The following FRMD5 variants were observed in gnomAD, a reference collection of about 807,000 sequenced individuals.
FRMD5 encodes the protein FERM domain-containing protein 5.
Under a neutral mutation model 69.0 loss-of-function variants are expected in FRMD5, and 20 were observed. That is an observed-to-expected ratio of 0.29 (90% CI 0.20 to 0.42). FRMD5 has a LOEUF of 0.42. Among genes scored for constraint, FRMD5 ranks in the 10% least tolerant of loss-of-function variants. The pLI is 1.00. For missense variants in FRMD5, 595 were observed against 708.6 expected, an observed-to-expected ratio of 0.84 and a Z score of 1.82; for synonymous variants, 271 against 260.1, an observed-to-expected ratio of 1.04 and a Z score of -0.40.
At chr15:43,989,738 G>T in intron 1 of FRMD5, 1 of 1,017,328 alleles carries the variant, frequency 9.8e-7, no homozygotes, top group Non-Finnish European at 1.5e-6. Flanking sequence ...CACGATGTCA[G>T]TGGTAGGCCA....
At chr15:44,073,463 T>C (rs937149138) in intron 1 of FRMD5, among the ~76,000 whole-genome samples, 1 of 152,238 alleles carries the variant, frequency 6.6e-6, no homozygotes, top group African/African-American at 2.4e-5. Flanking sequence ...TAAGGACTTG[T>C]AATTAATTTT....
intron 1 of FRMD5, among the ~76,000 whole-genome samples, chr15:44,108,374 G>C (rs2076749144): frequency 6.6e-6 from 1 of 152,188 alleles, no homozygotes; most frequent in Non-Finnish European, 1.5e-5. Context: ...GCCAGGCGCG[G>C]TGGCTCATGC....
intron 1 of FRMD5, among the ~76,000 whole-genome samples, chr15:43,991,997 A>G (rs1889706930): frequency 6.6e-6 from 1 of 152,188 alleles, no homozygotes; most frequent in Non-Finnish European, 1.5e-5. Flanking sequence ...AGAAACAGAA[A>G]CTCTTTAAAC....
At chr15:44,027,650 TG>T (rs1329025411) in intron 1 of FRMD5, among the ~76,000 whole-genome samples, 1,255 of 32,248 alleles carry the variant, frequency 0.039, 38 homozygotes, top group Non-Finnish European at 0.1. Flanking sequence ...TTTTTTTTTT[TG>T]TTTTTTTTTT....
At chr15:44,000,981 A>G (rs1373994117) in intron 1 of FRMD5, among the ~76,000 whole-genome samples, 1 of 152,114 alleles carries the variant, frequency 6.6e-6, no homozygotes, top group Non-Finnish European at 1.5e-5. Flanking sequence ...GCCCAGCCTC[A>G]AAATGGCTAT....
chr15:43,960,135 C>A (rs1181212076), intron 1 of FRMD5, among the ~76,000 whole-genome samples: 2 of 151,956 alleles, frequency 1.3e-5, no homozygotes, highest in African/African-American at 4.8e-5. Flanking sequence ...GTCGCCCAGG[C>A]TGGAGTGCAG....
At chr15:44,038,737 G>A (rs577785912) in intron 1 of FRMD5, among the ~76,000 whole-genome samples, 4 of 151,862 alleles carry the variant, frequency 2.6e-5, no homozygotes, top group South Asian at 2.1e-4. Context: ...TGCCTCACCC[G>A]GGAAGCACGA....
chr15:44,089,266 C>A (rs372493287), intron 1 of FRMD5, among the ~76,000 whole-genome samples: 1 of 152,080 alleles, frequency 6.6e-6, no homozygotes, highest in East Asian at 1.9e-4. Context: ...TTTGTGAGTC[C>A]ATTTTTATAT....
intron 1 of FRMD5, among the ~76,000 whole-genome samples, chr15:43,978,830 A>G (rs1343538286): frequency 6.6e-6 from 1 of 152,146 alleles, no homozygotes; most frequent in Non-Finnish European, 1.5e-5. Context: ...GGGATGACAG[A>G]CATGAACCAC....
chr15:43,952,026 G>GTGTGTGTGTGTGTGTT (rs2090044029), intron 1 of FRMD5, among the ~76,000 whole-genome samples: 2 of 149,494 alleles, frequency 1.3e-5, no homozygotes, highest in African/African-American at 5.0e-5. Flanking sequence ...GTGTGTGTGT[G>GTGTGTGTGTGTGTGTT]TGTGTGTGTG....
chr15:44,089,146 T>G (rs919577851), intron 1 of FRMD5, among the ~76,000 whole-genome samples: 2 of 152,222 alleles, frequency 1.3e-5, no homozygotes, highest in African/African-American at 4.8e-5. Flanking sequence ...GACAGAAAGA[T>G]GGTGACTCTG....
chr15:44,180,393 T>C (rs2077976880), intron 1 of FRMD5, among the ~76,000 whole-genome samples: 1 of 152,178 alleles, frequency 6.6e-6, no homozygotes, highest in Non-Finnish European at 1.5e-5. Context: ...TGGCACCGTG[T>C]CATAATATTC....
At chr15:43,923,801 G>C (rs2089537632) in intron 2 of FRMD5, among the ~76,000 whole-genome samples, 1 of 152,220 alleles carries the variant, frequency 6.6e-6, no homozygotes, top group Admixed American at 6.5e-5. Flanking sequence ...GGCTCTGTCT[G>C]TACTGCCTAG....
At chr15:43,985,178 G>A (rs1316103834) in intron 1 of FRMD5, among the ~76,000 whole-genome samples, 4 of 151,496 alleles carry the variant, frequency 2.6e-5, no homozygotes, top group African/African-American at 9.7e-5. Context: ...CTACTTGGGA[G>A]GCTGAGGCAG....
At chr15:43,976,224 AT>A (rs561982511) in intron 1 of FRMD5, among the ~76,000 whole-genome samples, 4 of 152,184 alleles carry the variant, frequency 2.6e-5, no homozygotes, top group Non-Finnish European at 5.9e-5. Flanking sequence ...TACTTCTTAA[AT>A]ATAACACCAA....
intron 1 of FRMD5, among the ~76,000 whole-genome samples, chr15:44,094,478 A>G (rs562457414): frequency 3.9e-5 from 6 of 152,152 alleles, no homozygotes; most frequent in Admixed American, 2.6e-4. Context: ...CTAGGACATA[A>G]ACGTTTTATT....
chr15:44,036,340 C>T lies in FRMD5; in HGVS notation c.103-112031G>A, dbSNP rs184307979. ...CACCCTCACGCACCTGCTCAACATT[C>T]TCTTATCTTCAAATTAAAAAAAAAA... On this transcript the variant is annotated intron_variant, in intron 1 of 13. Coordinates refer to ENST00000417257, the MANE Select transcript of FRMD5 (RefSeq NM_032892.5). Among the ~76,000 whole-genome samples, 331 of 151,898 alleles carry T rather than the reference C, an allele frequency of 2.2e-3. 1 individual carries two copies. Among genetic ancestry groups the T allele is most frequent in the African/African-American group, 7.6e-3 (315 of 41,430 alleles).
At chr15:44,168,665 T>C (rs2077749993) in intron 1 of FRMD5, among the ~76,000 whole-genome samples, 1 of 152,252 alleles carries the variant, frequency 6.6e-6, no homozygotes, top group Admixed American at 6.5e-5. Context: ...AACTTAAATG[T>C]ATGTTAGCGT....
chr15:44,184,610 C>T (rs971457266), intron 1 of FRMD5, among the ~76,000 whole-genome samples: 8 of 152,044 alleles, frequency 5.3e-5, no homozygotes, highest in African/African-American at 1.9e-4. Flanking sequence ...TATAACTAAG[C>T]AGTGATGGCA....
Sources: allele counts gnomAD v4.1 joint callset (sites outside exome capture counted in the v4.1 genomes callset), GRCh38; gene constraint gnomAD v4.1.1; transcripts MANE v1.5; gene names NCBI Gene and HGNC (gene_info 2026-07-23, HGNC 2026-07-21).